The following RPS6KC1 variants were observed in gnomAD, a reference collection of about 807,000 sequenced individuals.
RPS6KC1 encodes the protein inactive ribosomal protein S6 kinase delta-1.
Under a neutral mutation model 103.8 loss-of-function variants are expected in RPS6KC1, and 54 were observed. The observed-to-expected ratio is 0.52, with a 90% CI of 0.42 to 0.65. RPS6KC1 has a LOEUF of 0.65. Among genes scored for constraint, RPS6KC1 ranks in the 30% least tolerant of loss-of-function variants. RPS6KC1 has a pLI of 0.00. For synonymous variants in RPS6KC1, 439 were observed against 438.7 expected (o/e 1.00, Z -0.01); for missense variants, 1,151 against 1,253.8 (o/e 0.92, Z 1.24).
the RPS6KC1 span, among the ~76,000 whole-genome samples, chr1:213,628,211 A>C: frequency 6.6e-6 from 1 of 152,120 alleles, no homozygotes; most frequent in African/African-American, 2.4e-5. Flanking sequence ...ATTTGCGTAG[A>C]GGTGTTTATA....
At chr1:213,782,471 A>G in the RPS6KC1 span, among the ~76,000 whole-genome samples, 2 of 152,110 alleles carry the variant, frequency 1.3e-5, no homozygotes, top group South Asian at 4.2e-4. Context: ...CTATTTTGTG[A>G]TGAGGAAGAA....
At chr1:213,314,827 G>A in the RPS6KC1 span, among the ~76,000 whole-genome samples, 2 of 152,130 alleles carry the variant, frequency 1.3e-5, no homozygotes, top group Admixed American at 1.3e-4. Context: ...TGAAGAATAA[G>A]AGGGATTTTT....
intron 3 of RPS6KC1, among the ~76,000 whole-genome samples, chr1:213,079,355 AT>A (rs1322163868): frequency 6.6e-6 from 1 of 152,010 alleles, no homozygotes; most frequent in Non-Finnish European, 1.5e-5. Flanking sequence ...TTTGATGCAT[AT>A]TGTCTCATTG....
chr1:213,190,466 C>T (rs2148464344), intron 8 of RPS6KC1, among the ~76,000 whole-genome samples: 1 of 152,096 alleles, frequency 6.6e-6, no homozygotes, highest in South Asian at 2.1e-4. Context: ...TAGAAATGTC[C>T]ATTCACATCC....
intron 14 of RPS6KC1, among the ~76,000 whole-genome samples, chr1:213,271,916 A>G (rs1004373774): frequency 2.9e-4 from 44 of 152,302 alleles, no homozygotes; most frequent in African/African-American, 9.9e-4. Context: ...AAAATTTGAC[A>G]TTATTAAACC....
the RPS6KC1 span, among the ~76,000 whole-genome samples, chr1:213,558,996 A>T: frequency 6.8e-4 from 103 of 152,344 alleles, 2 homozygotes; most frequent in East Asian, 0.015. Context: ...ACTCTGCTAA[A>T]TGTAATTAGT....
chr1:213,845,491 C>A, the RPS6KC1 span, among the ~76,000 whole-genome samples: 2 of 152,318 alleles, frequency 1.3e-5, no homozygotes, highest in Admixed American at 1.3e-4. Flanking sequence ...TAATTTCTTG[C>A]CTATGCTGCT....
the RPS6KC1 span, among the ~76,000 whole-genome samples, chr1:213,523,015 C>G: frequency 3.3e-5 from 5 of 152,302 alleles, no homozygotes; most frequent in South Asian, 1.0e-3. Context: ...GACATGCCTT[C>G]CTTACTAAGC....
At chr1:213,638,880 T>G in the RPS6KC1 span, among the ~76,000 whole-genome samples, 1 of 152,074 alleles carries the variant, frequency 6.6e-6, no homozygotes, top group Non-Finnish European at 1.5e-5. Context: ...CCTACCAATT[T>G]CTGCAAAAAA....
At chr1:213,631,229 G>T in the RPS6KC1 span, among the ~76,000 whole-genome samples, 1 of 151,986 alleles carries the variant, frequency 6.6e-6, no homozygotes, top group African/African-American at 2.4e-5. Context: ...TGCACCCACT[G>T]TCTGTCACTC....
chr1:213,140,571 CT>C (rs1396409528), intron 6 of RPS6KC1, among the ~76,000 whole-genome samples: 2 of 151,974 alleles, frequency 1.3e-5, no homozygotes, highest in Non-Finnish European at 1.5e-5. Flanking sequence ...TATCGACAGC[CT>C]TTTCTGTGTC....
the RPS6KC1 span, among the ~76,000 whole-genome samples, chr1:213,598,576 C>G: frequency 6.6e-6 from 1 of 152,118 alleles, no homozygotes; most frequent in African/African-American, 2.4e-5. Flanking sequence ...ATCAGAAACT[C>G]TCCCGGAAAA....
intron 6 of RPS6KC1, among the ~76,000 whole-genome samples, chr1:213,137,777 C>CTCTATA (rs1387641875): frequency 3.8e-4 from 24 of 63,584 alleles, no homozygotes; most frequent in African/African-American, 1.2e-3. Flanking sequence ...CTCTCTCTCT[C>CTCTATA]TATATATATA....
chr1:213,395,976 G>T, the RPS6KC1 span, among the ~76,000 whole-genome samples: 676 of 152,324 alleles, frequency 4.4e-3, 4 homozygotes, highest in Non-Finnish European at 7.5e-3. Context: ...GATGTGAAAG[G>T]ATTCGGGATT....
the RPS6KC1 span, among the ~76,000 whole-genome samples, chr1:213,800,129 G>C: frequency 1.3e-5 from 2 of 152,126 alleles, no homozygotes; most frequent in East Asian, 3.8e-4. Flanking sequence ...TCACATAGGG[G>C]GTTAGGGTTT....
chr1:213,709,516 A>AT, the RPS6KC1 span, among the ~76,000 whole-genome samples: 2 of 118,198 alleles, frequency 1.7e-5, no homozygotes, highest in Non-Finnish European at 4.0e-5. Context: ...GGATTCACTG[A>AT]TTTTTTTTGA....
At chr1:213,805,437 T>C in the RPS6KC1 span, among the ~76,000 whole-genome samples, 1 of 152,236 alleles carries the variant, frequency 6.6e-6, no homozygotes, top group Non-Finnish European at 1.5e-5. Flanking sequence ...GTTTACGGCA[T>C]CTTCACCAGG....
intron 8 of RPS6KC1, among the ~76,000 whole-genome samples, chr1:213,187,199 A>AT (rs2092567568): frequency 6.7e-6 from 1 of 149,748 alleles, no homozygotes; most frequent in Non-Finnish European, 1.5e-5. Flanking sequence ...CCTCTGTTTG[A>AT]TTTTAAAAGA....
chr1:213,554,429 A>C, the RPS6KC1 span, among the ~76,000 whole-genome samples: 1 of 152,214 alleles, frequency 6.6e-6, no homozygotes, highest in Non-Finnish European at 1.5e-5. Context: ...ATAGCCTTGT[A>C]GTATAGCCTT....
Sources: gnomAD v4.1 joint callset for allele counts (sites outside exome capture counted in the v4.1 genomes callset) on GRCh38, gnomAD v4.1.1 for gene constraint, MANE v1.5 for transcripts, NCBI Gene and HGNC (gene_info 2026-07-23, HGNC 2026-07-21) for gene names.